The following MAP2K5 variants were observed in gnomAD, a reference collection of about 807,000 sequenced individuals.
MAP2K5 encodes the protein dual specificity mitogen-activated protein kinase kinase 5.
Under a neutral mutation model 83.1 loss-of-function variants are expected in MAP2K5, and 49 were observed. The ratio of observed to expected loss-of-function variants is 0.59; its 90% CI spans 0.47 to 0.75. The LOEUF (loss-of-function observed/expected upper bound fraction) is 0.75. MAP2K5 is among the 30% of genes least tolerant of loss of function. The pLI, the probability that MAP2K5 is intolerant of heterozygous loss-of-function variation, is 0.00. For synonymous variants in MAP2K5, 202 were observed against 191.8 expected (o/e 1.05, Z -0.44); for missense variants, 457 against 557.5 (o/e 0.82, Z 1.82).
chr15:67,702,590 A>T lies in MAP2K5; in HGVS notation c.973-747A>T, dbSNP rs139725800. 6.6e-6 allele frequency among the ~76,000 whole-genome samples: 1 copy of T among 152,196 alleles called. No homozygotes were observed. Among genetic ancestry groups the T allele is most frequent in the Admixed American group, 6.5e-5 (1 of 15,276 alleles). On this transcript the variant is annotated intron_variant, in intron 15 of 21. Coordinates refer to ENST00000178640, the MANE Select transcript of MAP2K5 (RefSeq NM_145160.3). This position sits in a 1 kb window ranked among gnomAD's most constrained non-coding sequence, Gnocchi z 4.6. ...GTACTGAATGCTAAATCCTAGAGGG[A>T]TAGATAGATCAGGAAGCATCCACTC...
rs1268466629 is a variant in MAP2K5 at position 67,543,767 on chromosome 15, G to A, written c.135+297G>A. The stretch of plus-strand genomic sequence containing the variant: ...ACGCAAATGCAAACTGCTGAATCTA[G>A]AAGAGAGGTTTTTTCCCCCCAAGTG... On this transcript the variant is annotated intron_variant, in intron 1 of 21. Transcript: ENST00000178640. This position sits in a 1 kb window ranked among gnomAD's most constrained non-coding sequence, Gnocchi z 4.3. 6.6e-6 allele frequency among the ~76,000 whole-genome samples: 1 copy of A among 152,170 alleles called. No individual in the cohort carries two copies. Among genetic ancestry groups the A allele is most frequent in the Non-Finnish European group, 1.5e-5 (1 of 68,022 alleles).
At position 67,760,442 on chromosome 15, in the gene MAP2K5, G is replaced by GA. The variant is rs781362673; in HGVS notation, c.1135-9153dup. 4.6e-4 allele frequency among the ~76,000 whole-genome samples: 70 copies of GA among 152,180 alleles called. 1 individual carries two copies. Among genetic ancestry groups the GA allele is most frequent in the Admixed American group, 3.3e-4 (5 of 15,280 alleles). On this transcript the variant is annotated intron_variant, in intron 19 of 21. Transcript: ENST00000178640. The surrounding 1 kb of genome is among the most constrained non-coding windows in gnomAD (Gnocchi z 4.1). ...AAATTAGATTTTATTAACTATTGCTGAAAAAAATCTATATTTTTATTATTT... is the reference window on the plus strand; with the variant it reads ...AAATTAGATTTTATTAACTATTGCTGAAAAAAAATCTATATTTTTATTATTT...
intron 8 of MAP2K5, among the ~76,000 whole-genome samples, chr15:67,602,812 C>A (rs1243253654): frequency 2.0e-5 from 3 of 152,198 alleles, no homozygotes; most frequent in African/African-American, 7.2e-5. Flanking sequence ...CGCCACCATG[C>A]CCAGCTAATT....
chr15:67,753,138 C>T (rs539923877), intron 19 of MAP2K5, among the ~76,000 whole-genome samples: 1 of 152,226 alleles, frequency 6.6e-6, no homozygotes, highest in South Asian at 2.1e-4. Context: ...ACTGGATATC[C>T]ATATGTATGT....
intron 15 of MAP2K5, among the ~76,000 whole-genome samples, chr15:67,697,239 GATA>G (rs1230524985): frequency 1.3e-5 from 2 of 152,138 alleles, no homozygotes; most frequent in African/African-American, 2.4e-5. Context: ...TCTGTATAGT[GATA>G]ATAACATCAG....
At chr15:67,714,556 G>T (rs1224533719) in intron 16 of MAP2K5, among the ~76,000 whole-genome samples, 1 of 151,806 alleles carries the variant, frequency 6.6e-6, no homozygotes, top group Non-Finnish European at 1.5e-5. Context: ...GGTGACGGAT[G>T]GCTCTGTATG....
Position 67,640,858 on chromosome 15 carries a change from A to G in MAP2K5, c.586-5373A>G, listed in dbSNP as rs117394248. Among the ~76,000 whole-genome samples, 5 of 152,350 alleles carry G rather than the reference A, an allele frequency of 3.3e-5. No individual in the cohort carries two copies. Among genetic ancestry groups the G allele is most frequent in the East Asian group, 1.9e-4 (1 of 5,190 alleles). ...AAAGAATAATGTACCATGAATTTCT[A>G]TTTTATACTATTGAATTTAGAAAAT... is the stretch of plus-strand genomic sequence containing the variant. On this transcript the variant is annotated intron_variant, in intron 9 of 21. Transcript: ENST00000178640. This position sits in a 1 kb window ranked among gnomAD's most constrained non-coding sequence, Gnocchi z 4.6.
chr15:67,683,298 C>A (rs2087868500), intron 13 of MAP2K5, among the ~76,000 whole-genome samples: 1 of 152,090 alleles, frequency 6.6e-6, no homozygotes, highest in South Asian at 2.1e-4. Context: ...GTCCTTAACC[C>A]AAGATTTAAA....
At chr15:67,683,827 G>A (rs1596789200) in intron 13 of MAP2K5, among the ~76,000 whole-genome samples, 1 of 152,172 alleles carries the variant, frequency 6.6e-6, no homozygotes, top group East Asian at 1.9e-4. Flanking sequence ...ACTGCTGTGG[G>A]ATTTGCCCTC....
rs1257109062 is a variant in MAP2K5, at chr15:67,638,376, T to A, written c.585+7449T>A. Among the ~76,000 whole-genome samples, 1 of 152,228 alleles carries A rather than the reference T, an allele frequency of 6.6e-6. No homozygotes were observed. Among genetic ancestry groups the A allele is most frequent in the Non-Finnish European group, 1.5e-5 (1 of 68,040 alleles). On this transcript the variant is annotated intron_variant, in intron 9 of 21. Transcript: ENST00000178640. The surrounding 1 kb of genome is among the most constrained non-coding windows in gnomAD (Gnocchi z 4.5). ...CTAAAGATGATGACCTCCAGCTCCA[T>A]CCATGTTCCTGCAGAGGACATGATC...
At position 67,587,260 on chromosome 15, in the gene MAP2K5, G is replaced by A. The variant is rs530994106; in HGVS notation, c.431+347G>A. 3.3e-5 allele frequency among the ~76,000 whole-genome samples: 5 copies of A among 152,276 alleles called. No individual in the cohort carries two copies. The South Asian group carries it at 1.0e-3, about 32-fold the overall frequency. ...GGTGCTGGGTTGGGGAAGGGATTTGGAGAGAGGAGATGAGAGAGCAATAGG... is the reference window on the plus strand; with the variant it reads ...GGTGCTGGGTTGGGGAAGGGATTTGAAGAGAGGAGATGAGAGAGCAATAGG... On this transcript the variant is annotated intron_variant, in intron 6 of 21. Transcript: ENST00000178640. This position sits in a 1 kb window ranked among gnomAD's most constrained non-coding sequence, Gnocchi z 4.8.
rs1373941450 is a variant in MAP2K5, at chr15:67,677,743, C to G, written c.847+13098C>G. Among the ~76,000 whole-genome samples the G allele has an allele frequency of 6.6e-6, 1 of 152,116 alleles. No individual in the cohort carries two copies. The highest frequency in any genetic ancestry group is 1.5e-5 in the Non-Finnish European group (1 of 68,020). On this transcript the variant is annotated intron_variant, in intron 13 of 21. Transcript: ENST00000178640. The surrounding 1 kb of genome is among the most constrained non-coding windows in gnomAD (Gnocchi z 4.2). The stretch of plus-strand genomic sequence containing the variant: ...ACAGGTAGGAATCTAAGATTCACCA[C>G]TTTAGAAGGAAATCTCTTTTACTTA...
chr15:67,614,450 A>C (rs924656941), intron 8 of MAP2K5, among the ~76,000 whole-genome samples: 4 of 152,142 alleles, frequency 2.6e-5, no homozygotes, highest in South Asian at 2.1e-4. Flanking sequence ...TTCAAGAGAG[A>C]GTTTCCTAGC....
chr15:67,710,716 C>T (rs995978094), intron 16 of MAP2K5, among the ~76,000 whole-genome samples: 1 of 151,986 alleles, frequency 6.6e-6, no homozygotes, highest in African/African-American at 2.4e-5. Context: ...GTTGGCCAGG[C>T]TGGTCTTGAA....
rs1237448902 is a variant in MAP2K5, at chr15:67,559,685, C to T, written c.185-3598C>T. 1.3e-5 allele frequency among the ~76,000 whole-genome samples: 2 copies of T among 152,162 alleles called. No individual in the cohort carries two copies. The highest frequency in any genetic ancestry group is 2.9e-5 in the Non-Finnish European group (2 of 68,032). On this transcript the variant is annotated intron_variant, in intron 2 of 21. Coordinates refer to ENST00000178640, the MANE Select transcript of MAP2K5 (RefSeq NM_145160.3). This position sits in a 1 kb window ranked among gnomAD's most constrained non-coding sequence, Gnocchi z 4.7. ...AAAATCTAGCCAGTACATAGGCTTT[C>T]TGGTTCTACTTTTGCTTCCCTAATG...
At chr15:67,688,945 T>G (rs1251428592) in intron 13 of MAP2K5, among the ~76,000 whole-genome samples, 1 of 152,246 alleles carries the variant, frequency 6.6e-6, no homozygotes, top group Non-Finnish European at 1.5e-5. Context: ...AAATTTAATG[T>G]ATCATTTAAA....
At chr15:67,739,667 G>A (rs937374540) in intron 17 of MAP2K5, among the ~76,000 whole-genome samples, 3 of 151,190 alleles carry the variant, frequency 2.0e-5, no homozygotes, top group Non-Finnish European at 2.9e-5. Context: ...TTTTAGTAGA[G>A]ATGGGGTTTC....
chr15:67,658,009 AT>A lies in MAP2K5; in HGVS notation c.737-537del, dbSNP rs553243484. On this transcript the variant is annotated intron_variant, in intron 11 of 21. Transcript: ENST00000178640. ...TATTTGTCAAATACTCTGGAATACA[AT>A]TTTTTTATAGAACTGAAAGACTATA... Among the ~76,000 whole-genome samples, 10 of 152,140 alleles carry A rather than the reference AT, an allele frequency of 6.6e-5. No individual in the cohort carries two copies. In the East Asian group the frequency reaches 1.3e-3, roughly 21 times the overall value.
chr15:67,742,772 A>AT lies in MAP2K5; in HGVS notation c.1075-5457dup, dbSNP rs2089522948. Among the ~76,000 whole-genome samples the AT allele has an allele frequency of 2.6e-5, 4 of 152,248 alleles. No homozygotes were observed. The South Asian group carries it at 8.3e-4, about 32-fold the overall frequency. On this transcript the variant is annotated intron_variant, in intron 17 of 21. Transcript: ENST00000178640. ...TTCCTTGCAAAATTCAAGTCTAAACATTAAAATGTGCAATTACCAACAGGA... is the reference window on the plus strand; with the variant it reads ...TTCCTTGCAAAATTCAAGTCTAAACATTTAAAATGTGCAATTACCAACAGGA...
Sources: allele counts gnomAD v4.1 joint callset (sites outside exome capture counted in the v4.1 genomes callset), GRCh38; gene constraint gnomAD v4.1.1; non-coding constraint Gnocchi (gnomAD v3.1); transcripts MANE v1.5; gene names NCBI Gene and HGNC (gene_info 2026-07-23, HGNC 2026-07-21).